Variants in HSPA12A observed in about 807,000 individuals in gnomAD.
HSPA12A encodes heat shock 70 kDa protein 12A.
Under a neutral mutation model 69.2 loss-of-function variants are expected in HSPA12A, and 28 were observed. The observed-to-expected ratio is 0.40, with a 90% CI of 0.30 to 0.55. The LOEUF is 0.55. Among genes scored for constraint, HSPA12A ranks in the 20% least tolerant of loss-of-function variants. HSPA12A has a pLI of 0.38. For synonymous variants in HSPA12A, 345 were observed against 370.5 expected, an observed-to-expected ratio of 0.93 and a Z score of 0.79; for missense variants, 686 against 900.7, an observed-to-expected ratio of 0.76 and a Z score of 3.05.
rs1369323057 is a variant in HSPA12A, at chr10:116,700,930, G to A, written c.441+13C>T. The A allele has an allele frequency of 2.5e-6, 4 of 1,611,518 alleles. No homozygotes were observed. The African/African-American group carries it at 5.3e-5, about 22-fold the overall frequency. ...TTGCGGGGGACCTGGGCCCAGGGGA[G>A]AGGCTTGCTCACCCCAGTGGTGTGC... On this transcript the variant is annotated intron_variant, in intron 4 of 11. Coordinates refer to ENST00000369209, the MANE Select transcript of HSPA12A (RefSeq NM_025015.3).
At position 116,683,778 on chromosome 10, in the gene HSPA12A, A is replaced by C. The variant is rs781806869; in HGVS notation, c.835+13T>G. On this transcript the variant is annotated intron_variant, in intron 7 of 11. Transcript: ENST00000369209. ...GAAGGAGAGCAGGAGGGGGAGAGAGAGAGCAGAGGTACCCTGTGTAAACCC... is the reference window on the plus strand; with the variant it reads ...GAAGGAGAGCAGGAGGGGGAGAGAGCGAGCAGAGGTACCCTGTGTAAACCC... The C allele has an allele frequency of 6.6e-7, 1 of 1,513,752 alleles. No homozygotes were observed. The allele number at this position is 1,513,752 out of a possible 1,614,324, so 93.8% of individuals were successfully genotyped here.
intron 2 of HSPA12A, among the ~76,000 whole-genome samples, chr10:116,816,518 G>C (rs937055730): frequency 1.6e-4 from 24 of 152,324 alleles, no homozygotes; most frequent in African/African-American, 5.5e-4. Flanking sequence ...GTCACTGAAG[G>C]AGCGAGCAGA....
At chr10:116,699,827 G>A (rs1349333139) in intron 4 of HSPA12A, among the ~76,000 whole-genome samples, 1 of 152,246 alleles carries the variant, frequency 6.6e-6, no homozygotes. Context: ...AATAGGAACA[G>A]TTCATTTCTA....
At chr10:116,770,345 G>A (rs940028801) in intron 2 of HSPA12A, among the ~76,000 whole-genome samples, 3 of 152,218 alleles carry the variant, frequency 2.0e-5, no homozygotes, top group Non-Finnish European at 2.9e-5. Context: ...AGTACAGACC[G>A]AAGGGGCAGA....
chr10:116,690,429 G>A (rs1333736508), intron 6 of HSPA12A, among the ~76,000 whole-genome samples: 2 of 152,162 alleles, frequency 1.3e-5, no homozygotes, highest in African/African-American at 2.4e-5. Context: ...TTGAATGATC[G>A]CCGCCCTCTT....
intron 1 of HSPA12A, chr10:116,849,526 G>A (rs1331909761): frequency 1.4e-6 from 2 of 1,460,160 alleles, no homozygotes; most frequent in African/African-American, 1.4e-5. Flanking sequence ...ACGCTCGTGG[G>A]ACCCCAGGCT....
intron 6 of HSPA12A, among the ~76,000 whole-genome samples, chr10:116,690,615 C>T (rs1322350261): frequency 2.0e-5 from 3 of 152,126 alleles, no homozygotes; most frequent in African/African-American, 7.2e-5. Context: ...TCACATCTGT[C>T]CTCACCCAAG....
intron 6 of HSPA12A, among the ~76,000 whole-genome samples, chr10:116,685,858 C>G (rs782253234): frequency 1.3e-5 from 2 of 152,074 alleles, no homozygotes; most frequent in African/African-American, 4.8e-5. Context: ...ATGGCAGAAC[C>G]ACATCTGGAA....
chr10:116,809,679 G>C (rs190936914), intron 2 of HSPA12A, among the ~76,000 whole-genome samples: 2 of 152,336 alleles, frequency 1.3e-5, no homozygotes, highest in East Asian at 3.9e-4. Flanking sequence ...GAAAATTGGC[G>C]GTTCCAATAT....
intron 2 of HSPA12A, chr10:116,827,539 C>G (rs1845531386): frequency 6.6e-6 from 1 of 152,316 alleles, no homozygotes; most frequent in East Asian, 1.9e-4. Context: ...ACGTGAGTGT[C>G]ACCAACACTG....
At chr10:116,679,816 TCCAG>T in intron 9 of HSPA12A, 55 bp from the exon 10 acceptor site, 1 of 1,584,686 alleles carries the variant, frequency 6.3e-7, no homozygotes, top group Admixed American at 1.7e-5. Flanking sequence ...AGAAACCCAA[TCCAG>T]ACTCTGAGAA....
intron 2 of HSPA12A, among the ~76,000 whole-genome samples, chr10:116,799,471 AC>A (rs1844908191): frequency 6.6e-6 from 1 of 152,180 alleles, no homozygotes; most frequent in African/African-American, 2.4e-5. Flanking sequence ...ACACACGCAC[AC>A]ACATATATGC....
Position 116,723,932 on chromosome 10 carries a change from C to T in HSPA12A, c.41-16647G>A, listed in dbSNP as rs1850866634. Among the ~76,000 whole-genome samples the T allele has an allele frequency of 6.6e-6, 1 of 152,218 alleles. No individual in the cohort carries two copies. Among genetic ancestry groups the T allele is most frequent in the Non-Finnish European group, 1.5e-5 (1 of 68,040 alleles). On this transcript the variant is annotated intron_variant, in intron 1 of 11. Transcript: ENST00000369209. This position sits in a 1 kb window ranked among gnomAD's most constrained non-coding sequence, Gnocchi z 4.1. ...AGCTGAGGCCAGCGGGTCACCTGTACCCAGGCATAGACAGCACTCTGCTGA... is the reference window on the plus strand; with the variant it reads ...AGCTGAGGCCAGCGGGTCACCTGTATCCAGGCATAGACAGCACTCTGCTGA...
At chr10:116,787,505 G>A (rs1162629167) in intron 2 of HSPA12A, among the ~76,000 whole-genome samples, 8 of 150,656 alleles carry the variant, frequency 5.3e-5, no homozygotes, top group Non-Finnish European at 7.4e-5. Flanking sequence ...GGCTTTCAGC[G>A]TCATTGCTAA....
At chr10:116,767,524 A>G (rs1457456163) in intron 2 of HSPA12A, among the ~76,000 whole-genome samples, 1 of 152,162 alleles carries the variant, frequency 6.6e-6, no homozygotes, top group African/African-American at 2.4e-5. Flanking sequence ...TGCTCCCACT[A>G]GCCTCAGCCA....
chr10:116,815,586 T>C (rs2133189943), intron 2 of HSPA12A, among the ~76,000 whole-genome samples: 1 of 151,946 alleles, frequency 6.6e-6, no homozygotes, highest in Non-Finnish European at 1.5e-5. Flanking sequence ...AAAAAATAAA[T>C]AAGTAAAATA....
At chr10:116,793,870 C>A (rs1431063069) in intron 2 of HSPA12A, among the ~76,000 whole-genome samples, 1 of 151,884 alleles carries the variant, frequency 6.6e-6, no homozygotes, top group African/African-American at 2.4e-5. Context: ...TGAGATGGCA[C>A]ATAAAGTCCT....
At chr10:116,786,981 C>CGG (rs2133145965) in intron 2 of HSPA12A, among the ~76,000 whole-genome samples, 2 of 89,008 alleles carry the variant, frequency 2.2e-5, no homozygotes, top group South Asian at 9.2e-4. Context: ...AATCACCTCC[C>CGG]GGACACACAC....
In HSPA12A at chr10:116,696,002, C is replaced by CAAAAAAAAAAA. The variant is rs71013609; in HGVS notation, c.546+2622_546+2632dup. ...TGGGCAACAGAGAGAGACTCCATCT[C>CAAAAAAAAAAA]AAAAAAAAAAAAAAAAAAAAAGGCT... On this transcript the variant is annotated intron_variant, in intron 5 of 11. Transcript: ENST00000369209. Among the ~76,000 whole-genome samples the CAAAAAAAAAAA allele has an allele frequency of 9.5e-3, 312 of 32,692 alleles. 52 individuals are homozygous for CAAAAAAAAAAA. The highest frequency in any genetic ancestry group is 0.037 in the African/African-American group (239 of 6,478). The allele number at this position is 32,692 out of a possible 152,430, so 21.4% of individuals were successfully genotyped here.
Sources: gnomAD v4.1 joint callset for allele counts (sites outside exome capture counted in the v4.1 genomes callset) on GRCh38, gnomAD v4.1.1 for gene constraint, Gnocchi (gnomAD v3.1) non-coding constraint, MANE v1.5 for transcripts, NCBI Gene and HGNC (gene_info 2026-07-23, HGNC 2026-07-21) for gene names.